Variants in CCDC141 observed in about 807,000 individuals in gnomAD.
The protein encoded by CCDC141 is coiled-coil domain containing 141.
Under a neutral mutation model 181.0 loss-of-function variants are expected in CCDC141, and 168 were observed. That is an observed-to-expected ratio of 0.93 (90% CI 0.82 to 1.05). CCDC141 has a LOEUF of 1.05. CCDC141 is among the 50% of genes least tolerant of loss of function. CCDC141 has a pLI of 0.00. For synonymous variants in CCDC141, 666 were observed against 642.3 expected (o/e 1.04, Z -0.56); for missense variants, 1,902 against 1,788.5 (o/e 1.06, Z -1.14).
the CCDC141 span, among the ~76,000 whole-genome samples, chr2:178,818,488 C>G: frequency 8.5e-5 from 13 of 152,090 alleles, no homozygotes; most frequent in African/African-American, 1.7e-4. Context: ...TCCATCTGTT[C>G]TCATTGTTTA....
At chr2:178,823,769 C>T in the CCDC141 span, among the ~76,000 whole-genome samples, 1 of 152,064 alleles carries the variant, frequency 6.6e-6, no homozygotes, top group African/African-American at 2.4e-5. Flanking sequence ...ACAATGTTTT[C>T]CCCCCTTCCA....
chr2:178,946,367 C>A (rs1245026309), intron 5 of CCDC141, among the ~76,000 whole-genome samples: 1 of 152,040 alleles, frequency 6.6e-6, no homozygotes, highest in Admixed American at 6.6e-5. Context: ...AATTTTCTCC[C>A]AAAAATTCAG....
chr2:178,917,253 G>A (rs1404885756), intron 7 of CCDC141, among the ~76,000 whole-genome samples: 1 of 152,146 alleles, frequency 6.6e-6, no homozygotes, highest in Non-Finnish European at 1.5e-5. Flanking sequence ...CAGAATTACT[G>A]AGGAGAAACT....
At chr2:178,870,644 T>C (rs1397644353) in intron 14 of CCDC141, among the ~76,000 whole-genome samples, 2 of 152,168 alleles carry the variant, frequency 1.3e-5, no homozygotes, top group African/African-American at 2.4e-5. Flanking sequence ...TATACTTACA[T>C]CGGTTTTTGT....
At chr2:178,862,399 T>C (rs948883706) in intron 17 of CCDC141, among the ~76,000 whole-genome samples, 2 of 152,196 alleles carry the variant, frequency 1.3e-5, no homozygotes, top group Non-Finnish European at 2.9e-5. Context: ...ATTAACATCA[T>C]GTAAATGTAA....
In CCDC141 at chr2:178,905,339, C is replaced by T. The variant is rs1286977266; in HGVS notation, c.1255G>A (p.Asp419Asn). 2.6e-6 allele frequency: 4 copies of T among 1,548,636 alleles called. No individual in the cohort carries two copies. Among genetic ancestry groups the T allele is most frequent in the Admixed American group, 2.0e-5 (1 of 50,734 alleles). The change falls in exon 8 of 24, where the codon GAC becomes AAC. Residue 419 changes from aspartate to asparagine, a missense_variant. Asp to Asn is a conservative substitution (Grantham distance 23). Transcript: ENST00000443758. ...ATCAACTTTACTCACCTGCAGGAGT[C>T]TACTTGGCTGATTAAGGTTTGTCCC... ...QKGQTLISQV[D>N]SCSSQVSGIH...
rs571763084 is a variant in CCDC141, at chr2:179,002,622, T to C, written c.226-23947A>G. The C allele has an allele frequency of 1.4e-4, 35 of 249,618 alleles. No individual in the cohort carries two copies. The East Asian group carries it at 3.0e-3, about 21-fold the overall frequency. 15.5% of individuals were successfully genotyped at this position (249,618 alleles called of 1,614,324 possible). ...ATGTCTTACAACATAAATGCTGCTA[T>C]GTTGCTCTGCAGAAACAGTATACTA... On this transcript the variant is annotated intron_variant, in intron 2 of 23. Coordinates refer to ENST00000443758, the MANE Select transcript of CCDC141 (RefSeq NM_173648.4).
the CCDC141 span, among the ~76,000 whole-genome samples, chr2:178,816,986 T>C: frequency 2.0e-5 from 3 of 152,206 alleles, no homozygotes; most frequent in Non-Finnish European, 4.4e-5. Flanking sequence ...ATTAAGGTTA[T>C]ATCTGCACAT....
At chr2:179,048,481 CTGATTCT>C (rs1459956776) in intron 1 of CCDC141, among the ~76,000 whole-genome samples, 1 of 152,168 alleles carries the variant, frequency 6.6e-6, no homozygotes, top group East Asian at 1.9e-4. Context: ...CAATCTACCT[CTGATTCT>C]TCTGTAATTT....
intron 6 of CCDC141, among the ~76,000 whole-genome samples, chr2:178,925,873 C>T (rs1358684235): frequency 1.3e-5 from 2 of 152,008 alleles, no homozygotes; most frequent in Non-Finnish European, 2.9e-5. Flanking sequence ...CATTGAGATC[C>T]ATTTCAGGAT....
At chr2:179,010,816 A>C (rs763704861) in intron 2 of CCDC141, among the ~76,000 whole-genome samples, 7 of 152,206 alleles carry the variant, frequency 4.6e-5, no homozygotes, top group Non-Finnish European at 7.3e-5. Context: ...ACAGTACCTC[A>C]TATTTCAATA....
At chr2:178,974,547 T>C (rs998680045) in intron 4 of CCDC141, among the ~76,000 whole-genome samples, 1 of 152,188 alleles carries the variant, frequency 6.6e-6, no homozygotes, top group African/African-American at 2.4e-5. Flanking sequence ...GAAAATCTTT[T>C]TGTAGAGTGT....
intron 8 of CCDC141, among the ~76,000 whole-genome samples, chr2:178,898,438 C>T (rs991474910): frequency 5.3e-5 from 8 of 152,096 alleles, no homozygotes; most frequent in Admixed American, 3.3e-4. Flanking sequence ...TCTACAGCAA[C>T]AGAAAATGGA....
At chr2:178,897,008 C>T (rs1687442870) in intron 8 of CCDC141, among the ~76,000 whole-genome samples, 1 of 151,860 alleles carries the variant, frequency 6.6e-6, no homozygotes, top group African/African-American at 2.4e-5. Context: ...CTCTGTGGCA[C>T]CCTTACTATT....
chr2:178,959,364 C>A (rs113894690), intron 5 of CCDC141, among the ~76,000 whole-genome samples: 2 of 151,798 alleles, frequency 1.3e-5, no homozygotes, highest in African/African-American at 4.8e-5. Context: ...AAGGAAGGTT[C>A]CTTTAAGGGG....
chr2:178,865,940 CAG>C, intron 16 of CCDC141, 24 bp from the exon 17 acceptor site: 1 of 1,449,782 alleles, frequency 6.9e-7, no homozygotes, highest in South Asian at 1.5e-5. Context: ...ATGGTGGTAA[CAG>C]AGAGAAAGGA....
chr2:178,848,912 T>G (rs971395057), intron 21 of CCDC141, among the ~76,000 whole-genome samples: 3 of 152,166 alleles, frequency 2.0e-5, no homozygotes, highest in African/African-American at 7.2e-5. Flanking sequence ...ATTAAAAATT[T>G]CAGTTTTCTC....
At chr2:178,899,728 A>G (rs1209215767) in intron 8 of CCDC141, among the ~76,000 whole-genome samples, 2 of 152,152 alleles carry the variant, frequency 1.3e-5, no homozygotes, top group Non-Finnish European at 1.5e-5. Context: ...ATGTTCAACA[A>G]TATCTGCTTT....
chr2:179,004,537 G>T (rs1256477779), intron 2 of CCDC141, among the ~76,000 whole-genome samples: 2 of 152,050 alleles, frequency 1.3e-5, no homozygotes, highest in African/African-American at 4.8e-5. Context: ...ATACTTTATT[G>T]TCAATTTGAT....
Sources: gnomAD v4.1 joint callset for allele counts (sites outside exome capture counted in the v4.1 genomes callset) on GRCh38, gnomAD v4.1.1 for gene constraint, MANE v1.5 for transcripts, NCBI Gene and HGNC (gene_info 2026-07-23, HGNC 2026-07-21) for gene names.